The following C1orf115 variants were observed in gnomAD, a reference collection of about 807,000 sequenced individuals.
The protein encoded by C1orf115 is chromosome 1 open reading frame 115.
Under a neutral mutation model 12.5 loss-of-function variants are expected in C1orf115, and 14 were observed. That is an observed-to-expected ratio of 1.12 (90% CI 0.74 to 1.75). The LOEUF is 1.75. Among genes scored for constraint, C1orf115 ranks in the 40% most tolerant of loss-of-function variants. The probability of loss-of-function intolerance (pLI) is 0.00; values close to 1 mark genes in which losing one functional copy is unlikely to be tolerated. For synonymous variants in C1orf115, 109 were observed against 104.6 expected, an observed-to-expected ratio of 1.04 and a Z score of -0.26; for missense variants, 237 against 220.8, an observed-to-expected ratio of 1.07 and a Z score of -0.46.
intron 1 of C1orf115, among the ~76,000 whole-genome samples, chr1:220,693,303 T>C (rs958223602): frequency 2.6e-5 from 4 of 152,212 alleles, no homozygotes; most frequent in African/African-American, 9.6e-5. Flanking sequence ...TTCCCTAAAT[T>C]ACAAAGTGAC....
intron 1 of C1orf115, among the ~76,000 whole-genome samples, chr1:220,695,138 G>A (rs1053060258): frequency 2.0e-5 from 3 of 152,148 alleles, no homozygotes; most frequent in Admixed American, 1.3e-4. Context: ...GGTAGGAGCC[G>A]GAGTCAGAGG....
Position 220,696,919 on chromosome 1 carries a change from C to G in C1orf115, c.*188C>G. 1 of 693,000 alleles carries G rather than the reference C, an allele frequency of 1.4e-6. No individual in the cohort carries two copies. Among genetic ancestry groups the G allele is most frequent in the Non-Finnish European group, 2.1e-6 (1 of 466,332 alleles). 42.9% of individuals were successfully genotyped at this position (693,000 alleles called of 1,614,324 possible). On this transcript the variant is annotated 3_prime_UTR_variant, in exon 2 of 2. Coordinates refer to ENST00000294889, the MANE Select transcript of C1orf115 (RefSeq NM_024709.5). The stretch of plus-strand genomic sequence containing the variant: ...CCCATCTGCTGAGCTTCTCACATCT[C>G]TCAGTCACACGTGGACCCAGTGGTC...
chr1:220,694,128 A>ACTTCTTT (rs1670154044), intron 1 of C1orf115, among the ~76,000 whole-genome samples: 2 of 151,650 alleles, frequency 1.3e-5, no homozygotes, highest in Non-Finnish European at 2.9e-5. Context: ...AAGTCATAGG[A>ACTTCTTT]AATTATAGTC....
At chr1:220,692,539 C>A (rs570159675) in intron 1 of C1orf115, among the ~76,000 whole-genome samples, 1 of 152,122 alleles carries the variant, frequency 6.6e-6, no homozygotes, top group Non-Finnish European at 1.5e-5. Context: ...GTAAACAAGA[C>A]CCGCAAGATC....
chr1:220,690,763 G>C, intron 1 of C1orf115, 52 bp downstream of exon 1: 1 of 1,531,486 alleles, frequency 6.5e-7, no homozygotes. Flanking sequence ...GGTGTCCCGC[G>C]GGGGAGCGGG....
chr1:220,692,822 AAAAC>A (rs879576253), intron 1 of C1orf115, among the ~76,000 whole-genome samples: 1 of 152,222 alleles, frequency 6.6e-6, no homozygotes, highest in Non-Finnish European at 1.5e-5. Flanking sequence ...TGCCTTAACT[AAAAC>A]AAACAAAAAA....
At chr1:220,696,461 G>A in intron 1 of C1orf115, 151 bp from the exon 2 acceptor site, 1 of 894,802 alleles carries the variant, frequency 1.1e-6, no homozygotes, top group Non-Finnish European at 1.6e-6. Context: ...AGAGATGTGG[G>A]AATGTGGTAA....
Position 220,698,120 on chromosome 1 carries a change from C to G in C1orf115, c.*1389C>G, listed in dbSNP as rs1256498859. On this transcript the variant is annotated 3_prime_UTR_variant, in exon 2 of 2. Coordinates refer to ENST00000294889, the MANE Select transcript of C1orf115 (RefSeq NM_024709.5). ...TTACCATACCCCTCTGCCAACCCCC[C>G]AGTAGGCCACTGTTCTGACTTTGTT... 6.6e-6 allele frequency: 1 copy of G among 152,658 alleles called. No individual in the cohort carries two copies. Among genetic ancestry groups the G allele is most frequent in the Non-Finnish European group, 1.5e-5 (1 of 68,432 alleles). The allele number at this position is 152,658 out of a possible 1,614,324, so 9.5% of individuals were successfully genotyped here.
rs1273203910 is a variant in C1orf115, at chr1:220,690,451, C to A, written c.49C>A (p.Arg17Ser). Residue 17 changes from arginine (R) to serine (S), a missense_variant, in exon 1 of 2, where the codon CGC becomes AGC. Coordinates refer to ENST00000294889, the MANE Select transcript of C1orf115 (RefSeq NM_024709.5). ...AAGCAAGGCGGAGAGCAGCCTCCTG[C>A]GCCGCGGGCCCCGAGGGCGAGGGCG... ...LRSKAESSLL[R>S]RGPRGRGRTE... 8 of 1,447,954 alleles carry A rather than the reference C, an allele frequency of 5.5e-6. No individual in the cohort carries two copies. Among genetic ancestry groups the A allele is most frequent in the Non-Finnish European group, 7.2e-6 (8 of 1,107,642 alleles). The allele number at this position is 1,447,954 out of a possible 1,614,324, so 89.7% of individuals were successfully genotyped here.
chr1:220,695,659 G>A (rs914160857), intron 1 of C1orf115, among the ~76,000 whole-genome samples: 5 of 152,010 alleles, frequency 3.3e-5, no homozygotes, highest in African/African-American at 1.2e-4. Context: ...CTGGACAGAT[G>A]TGGAGGTTTG....
In C1orf115 at chr1:220,696,809, C is replaced by A; in HGVS notation, c.*78C>A. On this transcript the variant is annotated 3_prime_UTR_variant, in exon 2 of 2. Transcript: ENST00000294889. The stretch of plus-strand genomic sequence containing the variant: ...GAACTTTGTGAATCCTGGAGCATCT[C>A]AGACTTGAACACACAGCATATTTGG... 6.7e-7 allele frequency: 1 copy of A among 1,483,448 alleles called. No homozygotes were observed. The highest frequency in any genetic ancestry group is 1.3e-5 in the South Asian group (1 of 74,178). The allele number at this position is 1,483,448 out of a possible 1,614,324, so 91.9% of individuals were successfully genotyped here. A position where few individuals can be genotyped will look rare whatever the true frequency, so the allele number is the denominator to read the frequency against.
chr1:220,696,585 GCTTTTCT>G lies in C1orf115; in HGVS notation c.310-21_310-15del. On this transcript the variant is annotated intron_variant, in intron 1 of 1. Coordinates refer to ENST00000294889, the MANE Select transcript of C1orf115 (RefSeq NM_024709.5). ...AAAAAGTTGCCTACCCTAATCCTTT[GCTTTTCT>G]CTTTTATTCCTAACACTAGAATGTC... 1 of 1,556,204 alleles carries G rather than the reference GCTTTTCT, an allele frequency of 6.4e-7. No individual in the cohort carries two copies. Among genetic ancestry groups the G allele is most frequent in the Non-Finnish European group, 8.8e-7 (1 of 1,136,554 alleles).
rs1430220208 is a variant in C1orf115 at position 220,694,880 on chromosome 1, A to T, written c.310-1732A>T. ...AGAGAGAAGGAAAGACCCAGGACTGAGTATTGAACAACACCAACATTTTAA... is the reference window on the plus strand; with the variant it reads ...AGAGAGAAGGAAAGACCCAGGACTGTGTATTGAACAACACCAACATTTTAA... On this transcript the variant is annotated intron_variant, in intron 1 of 1. Coordinates refer to ENST00000294889, the MANE Select transcript of C1orf115 (RefSeq NM_024709.5). Among the ~76,000 whole-genome samples the T allele has an allele frequency of 2.6e-5, 4 of 152,220 alleles. No homozygotes were observed. The East Asian group carries it at 7.7e-4, about 29-fold the overall frequency.
chr1:220,691,420 A>G (rs1670105516), intron 1 of C1orf115, among the ~76,000 whole-genome samples: 1 of 152,164 alleles, frequency 6.6e-6, no homozygotes, highest in South Asian at 2.1e-4. Context: ...CTGCTGCCGG[A>G]AGCTCTGCTG....
intron 1 of C1orf115, among the ~76,000 whole-genome samples, chr1:220,694,232 T>C (rs756929352): frequency 2.0e-5 from 3 of 152,224 alleles, no homozygotes; most frequent in Non-Finnish European, 2.9e-5. Flanking sequence ...AAGCAGATGT[T>C]ATTTAGCAGT....
intron 1 of C1orf115, among the ~76,000 whole-genome samples, chr1:220,691,976 G>T (rs538064697): frequency 6.6e-6 from 1 of 152,302 alleles, no homozygotes; most frequent in East Asian, 1.9e-4. Flanking sequence ...ACTCCTCAGC[G>T]GTGAGCTTGT....
intron 1 of C1orf115, among the ~76,000 whole-genome samples, 155 bp downstream of exon 1, chr1:220,690,866 G>T (rs1670092539): frequency 6.6e-6 from 1 of 152,124 alleles, no homozygotes; most frequent in South Asian, 2.1e-4. Flanking sequence ...GAGGGAAGCC[G>T]CGAGTTGCGA....
In C1orf115 at chr1:220,690,449, T is replaced by C; in HGVS notation, c.47T>C (p.Leu16Pro). ...CGAAGCAAGGCGGAGAGCAGCCTCC[T>C]GCGCCGCGGGCCCCGAGGGCGAGGG... ...RLRSKAESSL[L>P]RRGPRGRGRT... Residue 16 changes from leucine (L) to proline (P), a missense_variant, in exon 1 of 2, where the codon CTG becomes CCG. By Grantham distance (98) the Leu-to-Pro change is moderately conservative (BLOSUM62 -3). Transcript: ENST00000294889. 6.9e-7 allele frequency: 1 copy of C among 1,448,720 alleles called. No individual in the cohort carries two copies. Among genetic ancestry groups the C allele is most frequent in the Non-Finnish European group, 9.0e-7 (1 of 1,108,126 alleles). The allele number at this position is 1,448,720 out of a possible 1,614,324, so 89.7% of individuals were successfully genotyped here. A position where few individuals can be genotyped will look rare whatever the true frequency, so the allele number is the denominator to read the frequency against.
chr1:220,696,909 T>G lies in C1orf115; in HGVS notation c.*178T>G. ...GTCATCCCTGCCCATCTGCTGAGCT[T>G]CTCACATCTCTCAGTCACACGTGGA... On this transcript the variant is annotated 3_prime_UTR_variant, in exon 2 of 2. Coordinates refer to ENST00000294889, the MANE Select transcript of C1orf115 (RefSeq NM_024709.5). 1 of 739,366 alleles carries G rather than the reference T, an allele frequency of 1.4e-6. No homozygotes were observed. The highest frequency in any genetic ancestry group is 3.4e-5 in the South Asian group (1 of 29,386). The allele number at this position is 739,366 out of a possible 1,614,324, so 45.8% of individuals were successfully genotyped here.
Sources: allele counts gnomAD v4.1 joint callset (sites outside exome capture counted in the v4.1 genomes callset), GRCh38; gene constraint gnomAD v4.1.1; transcripts MANE v1.5; gene names NCBI Gene and HGNC (gene_info 2026-07-23, HGNC 2026-07-21).